The following SMS variants were observed in gnomAD, a reference collection of about 807,000 sequenced individuals.
The protein encoded by SMS is spermine synthase, also known as spermidine aminopropyltransferase.
Under a neutral mutation model 33.0 loss-of-function variants are expected in SMS, and 3 were observed. That is an observed-to-expected ratio of 0.09 (90% CI 0.04 to 0.23). The LOEUF (loss-of-function observed/expected upper bound fraction) is 0.23. Ranked by LOEUF, SMS falls within the 10% of genes least tolerant of loss-of-function variation. SMS has a pLI of 1.00. For synonymous variants in SMS, 103 were observed against 112.2 expected (o/e 0.92, Z 0.52); for missense variants, 117 against 288.6 (o/e 0.41, Z 4.31).
chrX:21,946,873 A>G (rs1168826223), intron 1 of SMS, among the ~76,000 whole-genome samples: 4 of 111,752 alleles, frequency 3.6e-5, no homozygotes, highest in Non-Finnish European at 7.5e-5. Context: ...TGGAAGTGTC[A>G]GTTATGCCCA....
At chrX:21,941,910 A>C (rs1368416320) in intron 1 of SMS, among the ~76,000 whole-genome samples, 2 of 94,877 alleles carry the variant, frequency 2.1e-5, no homozygotes, top group South Asian at 4.9e-4. Flanking sequence ...AAAAAAAAAA[A>C]AAAAAAAAAA....
intron 1 of SMS, among the ~76,000 whole-genome samples, chrX:21,942,630 G>C (rs934305251): frequency 9.0e-6 from 1 of 110,788 alleles, no homozygotes; most frequent in Non-Finnish European, 1.9e-5. Flanking sequence ...TGGTGGAGCT[G>C]AAGAGCCAAG....
intron 1 of SMS, among the ~76,000 whole-genome samples, chrX:21,958,524 C>T (rs1197429978): frequency 8.9e-6 from 1 of 112,055 alleles, no homozygotes; most frequent in African/African-American, 3.3e-5. Context: ...AGGATATTTG[C>T]GGTTGCGTGA....
intron 1 of SMS, among the ~76,000 whole-genome samples, chrX:21,951,450 C>A (rs1922600501): frequency 8.9e-6 from 1 of 112,154 alleles, no homozygotes; most frequent in African/African-American, 3.2e-5. Flanking sequence ...AATTAAATCC[C>A]ATTTGTCAAT....
At chrX:21,943,181 G>A (rs1191089115) in intron 1 of SMS, among the ~76,000 whole-genome samples, 1 of 103,818 alleles carries the variant, frequency 9.6e-6, no homozygotes, top group African/African-American at 3.5e-5. Context: ...TAAGGAGGGT[G>A]ATCTCAGCAT....
chrX:21,985,845 AG>A (rs1925289173), intron 9 of SMS, among the ~76,000 whole-genome samples: 1 of 111,138 alleles, frequency 9.0e-6, no homozygotes, highest in Admixed American at 9.7e-5. Context: ...CAACATAGTA[AG>A]ACTCCATTTC....
intron 2 of SMS, 75 bp from the exon 3 acceptor site, chrX:21,971,822 A>ATCTC (rs752803645): frequency 1.4e-5 from 9 of 649,692 alleles, no homozygotes; most frequent in Admixed American, 4.9e-5. Context: ...ATTGGGTGAC[A>ATCTC]TCTCTCTCTC....
At chrX:21,943,897 T>A (rs1057244297) in intron 1 of SMS, among the ~76,000 whole-genome samples, 2 of 111,505 alleles carry the variant, frequency 1.8e-5, no homozygotes, top group Non-Finnish European at 3.8e-5. Flanking sequence ...TGATAATGAG[T>A]CAAAAGGCAT....
At chrX:21,991,212 T>A (rs1925737164) in intron 9 of SMS, among the ~76,000 whole-genome samples, 1 of 111,841 alleles carries the variant, frequency 8.9e-6, no homozygotes, top group Non-Finnish European at 1.9e-5. Flanking sequence ...AGTTTCGCTC[T>A]TGTTGCCCCG....
chrX:21,950,243 A>G (rs187406616), intron 1 of SMS, among the ~76,000 whole-genome samples: 18 of 110,563 alleles, frequency 1.6e-4, no homozygotes, highest in Non-Finnish European at 1.3e-4. Flanking sequence ...TTTTAACTGT[A>G]TAAGGCAGTA....
At position 21,948,756 on chromosome X, in the gene SMS, C is replaced by T. The variant is rs374862532; in HGVS notation, c.49+7883C>T. On this transcript the variant is annotated intron_variant, in intron 1 of 10. Coordinates refer to ENST00000404933, the MANE Select transcript of SMS (RefSeq NM_004595.5). ...AAAGTTACTAGCATCTGTTTAAAAA[C>T]GTCAATAAAGTTCTTAGTTTAGTTT... Among the ~76,000 whole-genome samples, 18 of 111,607 alleles carry T rather than the reference C, an allele frequency of 1.6e-4. No homozygotes were observed. The South Asian group carries it at 2.6e-3, about 16-fold the overall frequency.
intron 2 of SMS, among the ~76,000 whole-genome samples, chrX:21,969,559 G>A (rs747513851): frequency 9.0e-6 from 1 of 111,350 alleles, no homozygotes; most frequent in Non-Finnish European, 1.9e-5. Flanking sequence ...ATCATCCACC[G>A]CCTCCGGTGG....
chrX:21,983,444 C>T (rs1925117070), intron 7 of SMS, among the ~76,000 whole-genome samples: 1 of 110,437 alleles, frequency 9.1e-6, no homozygotes. Context: ...ACAGTAACTC[C>T]TGTTTAGTTC....
chrX:21,950,011 G>A (rs889073313), intron 1 of SMS, among the ~76,000 whole-genome samples: 2 of 111,289 alleles, frequency 1.8e-5, no homozygotes, highest in Non-Finnish European at 3.8e-5. Flanking sequence ...GATATTCAAC[G>A]TGTATTTTCA....
intron 1 of SMS, among the ~76,000 whole-genome samples, chrX:21,944,375 G>C (rs1041655384): frequency 9.1e-6 from 1 of 109,904 alleles, no homozygotes; most frequent in African/African-American, 3.3e-5. Context: ...AGCCCTATGT[G>C]CTAGGCAGGA....
chrX:21,963,426 C>T (rs1240371099), intron 1 of SMS, among the ~76,000 whole-genome samples: 1 of 112,604 alleles, frequency 8.9e-6, no homozygotes, highest in African/African-American at 3.2e-5. Flanking sequence ...TCCAGAAACA[C>T]GTTCAGCTTT....
At chrX:21,979,071 A>G in intron 7 of SMS, 105 bp downstream of exon 7, 1 of 574,153 alleles carries the variant, frequency 1.7e-6, no homozygotes, top group Non-Finnish European at 3.0e-6. Context: ...GGTTGAGAAG[A>G]TAAATACATC....
At chrX:21,968,063 C>T (rs927361290) in intron 2 of SMS, among the ~76,000 whole-genome samples, 14 of 112,148 alleles carry the variant, frequency 1.2e-4, no homozygotes, top group Non-Finnish European at 1.7e-4. Flanking sequence ...AGCAGAGGCC[C>T]GTAGGGGGCA....
chrX:21,969,668 G>A (rs997990554), intron 2 of SMS, among the ~76,000 whole-genome samples: 1 of 112,503 alleles, frequency 8.9e-6, no homozygotes, highest in African/African-American at 3.2e-5. Flanking sequence ...AGTTATTGAA[G>A]TTTCTACCAT....
Sources: gnomAD v4.1 joint callset for allele counts (sites outside exome capture counted in the v4.1 genomes callset) on GRCh38, gnomAD v4.1.1 for gene constraint, MANE v1.5 for transcripts, NCBI Gene and HGNC (gene_info 2026-07-23, HGNC 2026-07-21) for gene names.